The following FOXK1 variants were observed in gnomAD, a reference collection of about 807,000 sequenced individuals.
FOXK1 encodes forkhead box protein K1.
A neutral mutation model predicts 51.9 loss-of-function variants in FOXK1; 19 were observed. The ratio of observed to expected loss-of-function variants is 0.37; its 90% CI spans 0.26 to 0.54. The LOEUF (loss-of-function observed/expected upper bound fraction) is 0.54. Among genes scored for constraint, FOXK1 ranks in the 20% least tolerant of loss-of-function variants. FOXK1 has a pLI of 0.87. For synonymous variants in FOXK1, 537 were observed against 482.6 expected (o/e 1.11, Z -1.48); for missense variants, 870 against 1,032.7 (o/e 0.84, Z 2.16).
chr7:4,702,035 A>G (rs970135326), intron 1 of FOXK1, among the ~76,000 whole-genome samples: 4 of 152,190 alleles, frequency 2.6e-5, no homozygotes, highest in African/African-American at 9.6e-5. Context: ...TGACTGTACC[A>G]CTGCACTCCA....
chr7:4,736,097 C>T (rs1451572297), intron 1 of FOXK1, among the ~76,000 whole-genome samples: 2 of 152,022 alleles, frequency 1.3e-5, no homozygotes, highest in Non-Finnish European at 2.9e-5. Context: ...TGCAGTGAGC[C>T]GAGATCGCAC....
chr7:4,692,154 C>A (rs551997769), intron 1 of FOXK1, among the ~76,000 whole-genome samples: 3 of 152,182 alleles, frequency 2.0e-5, no homozygotes, highest in African/African-American at 7.2e-5. Flanking sequence ...ACCCCCACCC[C>A]AAGAAAAGAA....
intron 1 of FOXK1, among the ~76,000 whole-genome samples, chr7:4,696,292 G>A (rs781713093): frequency 2.0e-5 from 3 of 152,074 alleles, no homozygotes; most frequent in Non-Finnish European, 4.4e-5. Flanking sequence ...CTGATGTAGG[G>A]GAAATAAATC....
At position 4,711,202 on chromosome 7, in the gene FOXK1, T is replaced by C. The variant is rs1780169721; in HGVS notation, c.560+28334T>C. Reference sequence around the variant, plus strand: ...CCGGGCAGCATGTGCCCAGCTCTGTTCAGGAAGCGTTGTGCTGGTGTGCCC... The same window carrying C: ...CCGGGCAGCATGTGCCCAGCTCTGTCCAGGAAGCGTTGTGCTGGTGTGCCC... On this transcript the variant is annotated intron_variant, in intron 1 of 8. Transcript: ENST00000328914. The surrounding 1 kb of genome is among the most constrained non-coding windows in gnomAD (Gnocchi z 6.3). Among the ~76,000 whole-genome samples, 1 of 152,146 alleles carries C rather than the reference T, an allele frequency of 6.6e-6. No homozygotes were observed. The highest frequency in any genetic ancestry group is 6.5e-5 in the Admixed American group (1 of 15,274).
At chr7:4,697,986 G>C (rs930083684) in intron 1 of FOXK1, among the ~76,000 whole-genome samples, 47 of 151,874 alleles carry the variant, frequency 3.1e-4, no homozygotes, top group African/African-American at 1.1e-3. Flanking sequence ...CATCATGCCT[G>C]GCTAATTTTT....
chr7:4,712,433 G>C (rs1389442612), intron 1 of FOXK1, among the ~76,000 whole-genome samples: 1 of 152,128 alleles, frequency 6.6e-6, no homozygotes, highest in Non-Finnish European at 1.5e-5. Context: ...TTCGCCTTAC[G>C]TCATCATAAT....
chr7:4,701,434 A>T (rs556059793), intron 1 of FOXK1, among the ~76,000 whole-genome samples: 1 of 152,096 alleles, frequency 6.6e-6, no homozygotes, highest in Admixed American at 6.6e-5. Flanking sequence ...GTATTTTTTT[A>T]AATGTGGAAA....
At chr7:4,717,556 G>A (rs1017429962) in intron 1 of FOXK1, among the ~76,000 whole-genome samples, 2 of 152,072 alleles carry the variant, frequency 1.3e-5, no homozygotes, top group Non-Finnish European at 2.9e-5. Flanking sequence ...GGCAGGACGT[G>A]CATGGCTGGG....
At chr7:4,726,740 T>C (rs1219946807) in intron 1 of FOXK1, among the ~76,000 whole-genome samples, 1 of 152,238 alleles carries the variant, frequency 6.6e-6, no homozygotes, top group East Asian at 1.9e-4. Context: ...CGGCAGCTGC[T>C]TTGCCCTCAA....
intron 1 of FOXK1, among the ~76,000 whole-genome samples, chr7:4,706,025 TGTATATACGTGTATATAC>T (rs1780095307): frequency 2.9e-5 from 3 of 104,506 alleles, no homozygotes; most frequent in African/African-American, 2.4e-4. Flanking sequence ...TATATATACG[TGTATATACGTGTATATAC>T]GTGTATATAT....
intron 1 of FOXK1, among the ~76,000 whole-genome samples, chr7:4,701,054 C>T (rs576921786): frequency 6.6e-6 from 1 of 152,302 alleles, no homozygotes; most frequent in African/African-American, 2.4e-5. Flanking sequence ...AGCTCCCTGC[C>T]CCAGCCTGTT....
At chr7:4,692,131 A>T (rs1779900862) in intron 1 of FOXK1, among the ~76,000 whole-genome samples, 1 of 152,214 alleles carries the variant, frequency 6.6e-6, no homozygotes, top group African/African-American at 2.4e-5. Context: ...TTTTTATGAA[A>T]AAAAAACTAT....
chr7:4,732,285 G>C (rs1455146280), intron 1 of FOXK1, among the ~76,000 whole-genome samples: 1 of 152,200 alleles, frequency 6.6e-6, no homozygotes, highest in Non-Finnish European at 1.5e-5. Context: ...AACCAGGCCA[G>C]TGTATGAAGA....
chr7:4,691,549 T>A (rs944310919), intron 1 of FOXK1, among the ~76,000 whole-genome samples: 2 of 152,018 alleles, frequency 1.3e-5, no homozygotes, highest in Non-Finnish European at 2.9e-5. Context: ...TCGGCCAGGC[T>A]GGTCTTGAAC....
At chr7:4,687,072 A>G (rs981682982) in intron 1 of FOXK1, among the ~76,000 whole-genome samples, 1 of 151,190 alleles carries the variant, frequency 6.6e-6, no homozygotes, top group East Asian at 2.0e-4. Context: ...ACCTGGGACT[A>G]TGGGCACCTG....
chr7:4,769,252 C>T lies in FOXK1; in HGVS notation c.*6788C>T, dbSNP rs941178869. The stretch of plus-strand genomic sequence containing the variant: ...TGCGTTGAAAAGAAAAATACCGGGG[C>T]CAGGGAGAAGCCGTGAATGTATTTA... On this transcript the variant is annotated 3_prime_UTR_variant, in exon 9 of 9. Transcript: ENST00000328914. This position sits in a 1 kb window ranked among gnomAD's most constrained non-coding sequence, Gnocchi z 4.1. 6.6e-6 allele frequency: 1 copy of T among 152,156 alleles called. No homozygotes were observed. Among genetic ancestry groups the T allele is most frequent in the Non-Finnish European group, 1.5e-5 (1 of 68,030 alleles). 9.4% of individuals were successfully genotyped at this position (152,156 alleles called of 1,614,324 possible).
In FOXK1 at chr7:4,713,488, G is replaced by GT. The variant is rs56251793; in HGVS notation, c.561-27339dup. ...ACAAGAGAATTTGCATAACCACCGT[G>GT]TTTTTTTTTTTGTTTTTTTTTTGAG... On this transcript the variant is annotated intron_variant, in intron 1 of 8. Coordinates refer to ENST00000328914, the MANE Select transcript of FOXK1 (RefSeq NM_001037165.2). 9.8e-4 allele frequency among the ~76,000 whole-genome samples: 145 copies of GT among 147,500 alleles called. 1 individual carries two copies. Among genetic ancestry groups the GT allele is most frequent in the African/African-American group, 2.0e-3 (82 of 40,290 alleles).
chr7:4,689,798 G>C (rs184017113), intron 1 of FOXK1, among the ~76,000 whole-genome samples: 165 of 152,316 alleles, frequency 1.1e-3, no homozygotes, highest in African/African-American at 3.5e-3. Context: ...TGGCATCAAG[G>C]ACAGTGACGG....
At position 4,754,669 on chromosome 7, in the gene FOXK1, G is replaced by A. The variant is rs763713362; in HGVS notation, c.903+54G>A. 17 of 1,563,952 alleles carry A rather than the reference G, an allele frequency of 1.1e-5. No individual in the cohort carries two copies. In the Admixed American group the frequency reaches 2.9e-4, roughly 26 times the overall value. On this transcript the variant is annotated intron_variant, in intron 3 of 8. Coordinates refer to ENST00000328914, the MANE Select transcript of FOXK1 (RefSeq NM_001037165.2). ...CCTGGTGACCCAGGATCGGGCCATAGTGACCCGGCGCGGGCGGCACAGACA... is the reference window on the plus strand; with the variant it reads ...CCTGGTGACCCAGGATCGGGCCATAATGACCCGGCGCGGGCGGCACAGACA...
Sources: gnomAD v4.1 joint callset for allele counts (sites outside exome capture counted in the v4.1 genomes callset) on GRCh38, gnomAD v4.1.1 for gene constraint, Gnocchi (gnomAD v3.1) non-coding constraint, MANE v1.5 for transcripts, NCBI Gene and HGNC (gene_info 2026-07-23, HGNC 2026-07-21) for gene names.